CCDC91: variants seen among roughly 807,000 people sequenced by gnomAD.
CCDC91 encodes the protein coiled-coil domain containing 91.
In CCDC91, 48 loss-of-function variants were observed where a neutral mutation model predicts 63.2. The ratio of observed to expected loss-of-function variants is 0.76; its 90% CI spans 0.60 to 0.97. The LOEUF (loss-of-function observed/expected upper bound fraction) is 0.97, where lower values mean the gene tolerates loss of function less well. CCDC91 is among the 50% of genes least tolerant of loss of function. The pLI is 0.00. For missense variants in CCDC91, 500 were observed against 494.6 expected, an observed-to-expected ratio of 1.01 and a Z score of -0.10; for synonymous variants, 167 against 165.8, an observed-to-expected ratio of 1.01 and a Z score of -0.06.
intron 1 of CCDC91, among the ~76,000 whole-genome samples, chr12:28,195,507 T>C (rs1941692669): frequency 1.3e-5 from 2 of 152,210 alleles, no homozygotes; most frequent in African/African-American, 2.4e-5. Context: ...TATGTTTGTG[T>C]GGTTTGCTTT....
intron 12 of CCDC91, among the ~76,000 whole-genome samples, chr12:28,521,067 T>A (rs1487077275): frequency 6.6e-6 from 1 of 152,172 alleles, no homozygotes; most frequent in Non-Finnish European, 1.5e-5. Flanking sequence ...TCTTTTTGGG[T>A]TCCATATGAA....
In CCDC91 at chr12:28,436,902, G is replaced by T. The variant is rs74822366; in HGVS notation, c.763-13259G>T. Among the ~76,000 whole-genome samples the T allele has an allele frequency of 8.1e-3, 1,234 of 151,846 alleles. 15 individuals carry two copies. The highest frequency in any genetic ancestry group is 0.029 in the African/African-American group (1,188 of 41,502). On this transcript the variant is annotated intron_variant, in intron 8 of 12. Coordinates refer to ENST00000536442, the MANE Select transcript of CCDC91 (RefSeq NM_018318.5). ...TTAAAATGCCCATCGCCTTATTAAA[G>T]ATTTTATATTAAAATTGTACAGCTG...
intron 8 of CCDC91, among the ~76,000 whole-genome samples, chr12:28,440,801 G>A (rs1200204161): frequency 1.3e-5 from 2 of 152,008 alleles, no homozygotes; most frequent in East Asian, 1.9e-4. Context: ...GCTCACGCCT[G>A]TAATCCTAGC....
intron 8 of CCDC91, among the ~76,000 whole-genome samples, chr12:28,449,780 A>T (rs1949709797): frequency 6.6e-6 from 1 of 151,948 alleles, no homozygotes; most frequent in South Asian, 2.1e-4. Context: ...GATATTTTAT[A>T]TTTCTCAGTT....
chr12:28,246,814 TAAAGTGTC>T (rs1247698275), intron 1 of CCDC91, among the ~76,000 whole-genome samples: 1 of 152,168 alleles, frequency 6.6e-6, no homozygotes, highest in Non-Finnish European at 1.5e-5. Flanking sequence ...TGCTGTGGTG[TAAAGTGTC>T]AAGTGAAAAG....
chr12:28,338,703 C>T (rs759396917), intron 6 of CCDC91, among the ~76,000 whole-genome samples: 2 of 151,824 alleles, frequency 1.3e-5, no homozygotes, highest in Admixed American at 1.3e-4. Context: ...GGAAAATACA[C>T]TGTATAGGGT....
intron 1 of CCDC91, among the ~76,000 whole-genome samples, chr12:28,241,945 G>C (rs537606636): frequency 1.6e-5 from 2 of 127,830 alleles, no homozygotes; most frequent in East Asian, 5.3e-4. Context: ...GCAGTGTGCT[G>C]ATATAGCGCC....
At chr12:28,371,913 A>G (rs988183526) in intron 7 of CCDC91, among the ~76,000 whole-genome samples, 3 of 152,214 alleles carry the variant, frequency 2.0e-5, no homozygotes, top group African/African-American at 7.2e-5. Flanking sequence ...AGCTGCTTGC[A>G]TTAGTGTGAA....
rs145553221 is a variant in CCDC91 at position 28,511,241 on chromosome 12, C to A, written c.1215+27076C>A. On this transcript the variant is annotated intron_variant, in intron 12 of 12. Transcript: ENST00000536442. ...CTAGGACTACTCGCTTTCACTCTTT[C>A]ACCCACTCCCACCCTACTACAGTAC... Among the ~76,000 whole-genome samples, 64 of 152,002 alleles carry A rather than the reference C, an allele frequency of 4.2e-4. 1 individual carries two copies. Among genetic ancestry groups the A allele is most frequent in the African/African-American group, 1.4e-3 (60 of 41,528 alleles).
At position 28,549,820 on chromosome 12, in the gene CCDC91, T is replaced by C. The variant is rs1362071108; in HGVS notation, c.*647T>C. On this transcript the variant is annotated 3_prime_UTR_variant, in exon 13 of 13. Transcript: ENST00000536442. ...CTAAAGGGGTGTGTGTGGTGTATGC[T>C]TGTTTCCTATTTCTGCTCTTTAAAG... The C allele has an allele frequency of 2.0e-5, 3 of 152,172 alleles. No homozygotes were observed. The highest frequency in any genetic ancestry group is 4.4e-5 in the Non-Finnish European group (3 of 68,018). The allele number at this position is 152,172 out of a possible 1,614,324, so 9.4% of individuals were successfully genotyped here. A position where few individuals can be genotyped will look rare whatever the true frequency, so the allele number is the denominator to read the frequency against.
At chr12:28,522,748 T>C (rs144278330) in intron 12 of CCDC91, among the ~76,000 whole-genome samples, 18 of 152,310 alleles carry the variant, frequency 1.2e-4, no homozygotes, top group South Asian at 4.1e-4. Flanking sequence ...GCTTTCAATG[T>C]GTCCCAGAAA....
intron 6 of CCDC91, among the ~76,000 whole-genome samples, chr12:28,320,563 C>T (rs1940388579): frequency 6.6e-6 from 1 of 151,752 alleles, no homozygotes; most frequent in African/African-American, 2.4e-5. Context: ...AGACTTTGAC[C>T]TCAGCCATTC....
At chr12:28,449,621 A>G (rs1447746293) in intron 8 of CCDC91, among the ~76,000 whole-genome samples, 2 of 152,060 alleles carry the variant, frequency 1.3e-5, no homozygotes, top group African/African-American at 2.4e-5. Flanking sequence ...TACCTGTTAC[A>G]TAATATTTCT....
At chr12:28,229,406 T>C (rs1944456752) in intron 1 of CCDC91, among the ~76,000 whole-genome samples, 1 of 152,146 alleles carries the variant, frequency 6.6e-6, no homozygotes, top group Non-Finnish European at 1.5e-5. Context: ...AAGTGGTAAG[T>C]GCTATGCAGA....
chr12:28,343,279 C>G (rs1277113261), intron 6 of CCDC91, among the ~76,000 whole-genome samples: 1 of 151,428 alleles, frequency 6.6e-6, no homozygotes, highest in Non-Finnish European at 1.5e-5. Context: ...TAATAAACAG[C>G]ATAATGTAAT....
At chr12:28,253,264 A>G (rs1393479936) in intron 1 of CCDC91, among the ~76,000 whole-genome samples, 1 of 152,176 alleles carries the variant, frequency 6.6e-6, no homozygotes, top group Non-Finnish European at 1.5e-5. Context: ...GTTTCAGCCC[A>G]GCCGCTGTTG....
intron 3 of CCDC91, among the ~76,000 whole-genome samples, chr12:28,295,226 G>A (rs1181699814): frequency 1.3e-5 from 2 of 152,112 alleles, no homozygotes; most frequent in Non-Finnish European, 2.9e-5. Context: ...CCTTTGAAGT[G>A]ATTATAACAT....
intron 8 of CCDC91, among the ~76,000 whole-genome samples, chr12:28,445,450 G>C (rs1193424605): frequency 6.6e-6 from 1 of 152,166 alleles, no homozygotes; most frequent in Admixed American, 6.5e-5. Context: ...ATTTAGCAGA[G>C]AAGAGCAAGT....
chr12:28,526,449 G>A (rs1941272199), intron 12 of CCDC91, among the ~76,000 whole-genome samples: 2 of 152,140 alleles, frequency 1.3e-5, no homozygotes, highest in South Asian at 4.1e-4. Context: ...CTTCTAGCCT[G>A]TAGGGTTTCT....
Sources: gnomAD v4.1 joint callset for allele counts (sites outside exome capture counted in the v4.1 genomes callset) on GRCh38, gnomAD v4.1.1 for gene constraint, MANE v1.5 for transcripts, NCBI Gene and HGNC (gene_info 2026-07-23, HGNC 2026-07-21) for gene names.